STARD13: variants seen among roughly 807,000 people sequenced by gnomAD.
STARD13 encodes the protein StAR related lipid transfer domain containing 13, also known as stAR-related lipid transfer protein 13.
Under a neutral mutation model 106.4 loss-of-function variants are expected in STARD13, and 62 were observed. That is an observed-to-expected ratio of 0.58 (90% confidence interval 0.48 to 0.72). The LOEUF is 0.72. Ranked by LOEUF, STARD13 falls within the 30% of genes least tolerant of loss-of-function variation. STARD13 has a pLI of 0.00. For missense variants in STARD13, 1,387 were observed against 1,424.0 expected (o/e 0.97, Z 0.42); for synonymous variants, 565 against 553.0 (o/e 1.02, Z -0.31).
chr13:33,605,176 T>C, the STARD13 span, among the ~76,000 whole-genome samples: 2 of 150,400 alleles, frequency 1.3e-5, no homozygotes, highest in African/African-American at 4.9e-5. Context: ...GAGTTTGAAG[T>C]TGCAGTGAGC....
the STARD13 span, among the ~76,000 whole-genome samples, chr13:33,519,205 ATTTTT>A: frequency 3.8e-3 from 334 of 86,896 alleles, 2 homozygotes; most frequent in African/African-American, 0.011. Context: ...CCTCTTGGTA[ATTTTT>A]TCTTTCTTTC....
chr13:33,506,990 A>C, the STARD13 span, among the ~76,000 whole-genome samples: 3 of 152,244 alleles, frequency 2.0e-5, no homozygotes, highest in Admixed American at 2.0e-4. Flanking sequence ...AGTCCCAGCT[A>C]CTTAGGAGGC....
At chr13:33,625,863 G>A in the STARD13 span, among the ~76,000 whole-genome samples, 18,371 of 151,762 alleles carry the variant, frequency 0.12, 2,807 homozygotes, top group African/African-American at 0.36. Context: ...CACCATACCC[G>A]GCTAATTTTT....
At chr13:33,266,846 A>G (rs1377176759) in intron 1 of STARD13, among the ~76,000 whole-genome samples, 1 of 152,218 alleles carries the variant, frequency 6.6e-6, no homozygotes, top group Non-Finnish European at 1.5e-5. Flanking sequence ...ATCATGTTTT[A>G]TATAATTTTT....
chr13:33,545,624 C>T, the STARD13 span, among the ~76,000 whole-genome samples: 33 of 152,330 alleles, frequency 2.2e-4, no homozygotes, highest in African/African-American at 7.7e-4. Context: ...TGTTTTCAGA[C>T]ATGGGGGTGG....
chr13:33,619,125 G>A, the STARD13 span, among the ~76,000 whole-genome samples: 2 of 152,022 alleles, frequency 1.3e-5, no homozygotes, highest in Non-Finnish European at 2.9e-5. Flanking sequence ...TGGGCATTTC[G>A]TTCAGACCCC....
At chr13:33,319,542 A>G (rs1893475586) in intron 1 of STARD13, among the ~76,000 whole-genome samples, 1 of 152,226 alleles carries the variant, frequency 6.6e-6, no homozygotes, top group African/African-American at 2.4e-5. Context: ...AATTTTATCT[A>G]AAAATTTATT....
intron 1 of STARD13, among the ~76,000 whole-genome samples, chr13:33,169,690 C>T (rs966607798): frequency 6.6e-6 from 1 of 152,124 alleles, no homozygotes; most frequent in Non-Finnish European, 1.5e-5. Flanking sequence ...GCAAGACAGT[C>T]CCAGAGAGCC....
In STARD13 at chr13:33,129,344, G is replaced by T. The variant is rs142351638; in HGVS notation, c.1333C>A (p.Arg445=). The change falls in exon 5 of 14, where the codon CGG becomes AGG. Residue 445 remains arginine, a synonymous_variant. Coordinates refer to ENST00000336934, the MANE Select transcript of STARD13 (RefSeq NM_178006.4). ...GCTCTGTGGCAGGACGCCATGAGCC[G>T]GGGCTCCCTGGCACCAGGGACCTGC... is the stretch of plus-strand genomic sequence containing the variant. ...REQVPGAREP[R]LMASCHRASR... The T allele has an allele frequency of 1.2e-6, 2 of 1,614,134 alleles. No individual in the cohort carries two copies. The highest frequency in any genetic ancestry group is 2.2e-5 in the South Asian group (2 of 91,088).
At chr13:33,226,288 T>A (rs1414569267) in intron 1 of STARD13, among the ~76,000 whole-genome samples, 1 of 152,186 alleles carries the variant, frequency 6.6e-6, no homozygotes, top group African/African-American at 2.4e-5. Context: ...GCTTTTTCAT[T>A]TTTTTATAAA....
In STARD13 at chr13:33,331,867, T is replaced by C. The variant is rs559846972; in HGVS notation, c.124+18423A>G. 2.6e-5 allele frequency among the ~76,000 whole-genome samples: 4 copies of C among 152,336 alleles called. No individual in the cohort carries two copies. The East Asian group carries it at 7.7e-4, about 29-fold the overall frequency. On this transcript the variant is annotated intron_variant, in intron 1 of 5. Coordinates refer to the STARD13 transcript ENST00000567873. ...TAAAAAAACCAAGGGCCAGAGGTTA[T>C]TTGCTCCTTCCTCTTAATTATGTGA...
At chr13:33,187,833 C>G (rs1885913062) in intron 1 of STARD13, among the ~76,000 whole-genome samples, 1 of 152,094 alleles carries the variant, frequency 6.6e-6, no homozygotes, top group Non-Finnish European at 1.5e-5. Context: ...CAGACCTGTG[C>G]CACCACACCC....
At chr13:33,428,267 C>T in the STARD13 span, among the ~76,000 whole-genome samples, 1 of 152,180 alleles carries the variant, frequency 6.6e-6, no homozygotes, top group South Asian at 2.1e-4. Flanking sequence ...TTGGTCTATG[C>T]AAGGATTTTT....
At chr13:33,372,942 C>CATAATGATGAATTTGATTA in the STARD13 span, among the ~76,000 whole-genome samples, 2 of 152,030 alleles carry the variant, frequency 1.3e-5, no homozygotes, top group Non-Finnish European at 2.9e-5. Flanking sequence ...TACATTAAGA[C>CATAATGATGAATTTGATTA]CAACAGGGGT....
At chr13:33,374,142 T>G in the STARD13 span, among the ~76,000 whole-genome samples, 2 of 152,174 alleles carry the variant, frequency 1.3e-5, no homozygotes, top group African/African-American at 4.8e-5. Context: ...GTTACAACAT[T>G]GATAAACCTT....
chr13:33,338,301 CA>C (rs1476724791), intron 1 of STARD13, among the ~76,000 whole-genome samples: 2 of 152,132 alleles, frequency 1.3e-5, no homozygotes, highest in African/African-American at 4.8e-5. Context: ...TTTACGGACT[CA>C]TTGATCTTTA....
At chr13:33,465,035 T>C in the STARD13 span, among the ~76,000 whole-genome samples, 1 of 152,118 alleles carries the variant, frequency 6.6e-6, no homozygotes, top group Admixed American at 6.5e-5. Flanking sequence ...CTTCAGTTCA[T>C]ATAGCCAATG....
In STARD13 at chr13:33,112,833, T is replaced by C; in HGVS notation, c.2380A>G (p.Asn794Asp). ...EVLQTLLCFL[N>D]DVVNLVEENQ... ...TCTTCCACCAAGTTGACGACGTCGT[T>C]CAGGAAACACAAGAGCGTCTGCAGG... The change falls in exon 9 of 14, where the codon AAC becomes GAC. Residue 794 changes from asparagine (N) to aspartate (D), a missense_variant. Transcript: ENST00000336934. 6.2e-7 allele frequency: 1 copy of C among 1,613,942 alleles called. No individual in the cohort carries two copies. The highest frequency in any genetic ancestry group is 8.5e-7 in the Non-Finnish European group (1 of 1,179,936).
intron 3 of STARD13, among the ~76,000 whole-genome samples, chr13:33,148,099 C>T (rs1762960628): frequency 6.6e-6 from 1 of 152,100 alleles, no homozygotes; most frequent in Admixed American, 6.5e-5. Context: ...AGTGTAAACA[C>T]AAAGCTATAC....
Sources: allele counts gnomAD v4.1 joint callset (sites outside exome capture counted in the v4.1 genomes callset), GRCh38; gene constraint gnomAD v4.1.1; transcripts MANE v1.5; gene names NCBI Gene and HGNC (gene_info 2026-07-23, HGNC 2026-07-21).